Variants in IQGAP2 observed in about 807,000 individuals in gnomAD.
The protein encoded by IQGAP2 is ras GTPase-activating-like protein IQGAP2.
In IQGAP2, 173 loss-of-function variants were observed where a neutral mutation model predicts 201.3. The ratio of observed to expected loss-of-function variants is 0.86; its 90% CI spans 0.76 to 0.98. IQGAP2 has a LOEUF of 0.98. IQGAP2 is among the 50% of genes least tolerant of loss of function. The pLI is 0.00. For synonymous variants in IQGAP2, 675 were observed against 673.9 expected (o/e 1.00, Z -0.03); for missense variants, 1,687 against 1,864.8 (o/e 0.90, Z 1.76).
At chr5:76,592,676 T>C (rs927390014) in intron 8 of IQGAP2, among the ~76,000 whole-genome samples, 162 bp from the exon 9 acceptor site, 1 of 152,174 alleles carries the variant, frequency 6.6e-6, no homozygotes, top group East Asian at 1.9e-4. Context: ...GCCAGCATTC[T>C]CCCCTAGTCC....
chr5:76,428,731 C>G (rs1232272082), intron 1 of IQGAP2, among the ~76,000 whole-genome samples: 1 of 151,450 alleles, frequency 6.6e-6, no homozygotes, highest in Admixed American at 6.6e-5. Flanking sequence ...CCGTGACTAC[C>G]CTGAATCTTA....
chr5:76,444,500 C>T (rs540758237), intron 1 of IQGAP2, among the ~76,000 whole-genome samples: 15 of 152,134 alleles, frequency 9.9e-5, no homozygotes, highest in African/African-American at 3.6e-4. Flanking sequence ...GGTTTCACCA[C>T]GTTGGCCAGG....
intron 2 of IQGAP2, among the ~76,000 whole-genome samples, chr5:76,471,465 A>G (rs906366349): frequency 1.3e-5 from 2 of 151,758 alleles, no homozygotes; most frequent in Admixed American, 1.3e-4. Context: ...CATTGGCTAT[A>G]TTGGTGAGTC....
At chr5:76,508,769 A>G (rs1210617820) in intron 2 of IQGAP2, among the ~76,000 whole-genome samples, 1 of 152,010 alleles carries the variant, frequency 6.6e-6, no homozygotes, top group Non-Finnish European at 1.5e-5. Context: ...ATGGACAAAG[A>G]ACAGGAGTAG....
At chr5:76,649,013 C>T (rs1009067087) in intron 17 of IQGAP2, among the ~76,000 whole-genome samples, 1 of 152,034 alleles carries the variant, frequency 6.6e-6, no homozygotes, top group African/African-American at 2.4e-5. Flanking sequence ...TGGAAATGTT[C>T]CAAAAACACA....
At chr5:76,560,653 TTTCTGA>T (rs1744301678) in intron 2 of IQGAP2, among the ~76,000 whole-genome samples, 1 of 152,238 alleles carries the variant, frequency 6.6e-6, no homozygotes, top group Admixed American at 6.5e-5. Context: ...TCCCAAACTT[TTTCTGA>T]TTATATCCTA....
chr5:76,706,217 C>CA (rs1368575548), intron 35 of IQGAP2, among the ~76,000 whole-genome samples: 5 of 152,162 alleles, frequency 3.3e-5, no homozygotes, highest in African/African-American at 9.6e-5. Flanking sequence ...CAAAAAAGTC[C>CA]AAAAAATGAG....
At chr5:76,615,930 G>A (rs1748922857) in intron 13 of IQGAP2, 1 of 152,576 alleles carries the variant, frequency 6.6e-6, no homozygotes, top group Non-Finnish European at 1.5e-5. Flanking sequence ...ATCACAGTAT[G>A]TTGCTTTTTC....
intron 1 of IQGAP2, among the ~76,000 whole-genome samples, chr5:76,416,098 G>T (rs1751391400): frequency 6.6e-6 from 1 of 152,220 alleles, no homozygotes. Context: ...AGCCTGTGAA[G>T]AGGTGAACTA....
intron 17 of IQGAP2, 97 bp downstream of exon 17, chr5:76,641,200 A>C: frequency 1.1e-6 from 1 of 919,600 alleles, no homozygotes; most frequent in Non-Finnish European, 1.6e-6. Flanking sequence ...CATTCCTATA[A>C]ACAAATCTGA....
At chr5:76,647,264 C>T (rs1364110993) in intron 17 of IQGAP2, among the ~76,000 whole-genome samples, 1 of 152,100 alleles carries the variant, frequency 6.6e-6, no homozygotes, top group African/African-American at 2.4e-5. Flanking sequence ...CCTTGGGACC[C>T]AAGGAATGAC....
intron 2 of IQGAP2, among the ~76,000 whole-genome samples, chr5:76,549,022 A>T (rs1228516048): frequency 6.6e-6 from 1 of 152,114 alleles, no homozygotes; most frequent in Non-Finnish European, 1.5e-5. Context: ...CTGTATGGCT[A>T]AACAGTGCTG....
intron 2 of IQGAP2, among the ~76,000 whole-genome samples, chr5:76,494,568 C>T (rs1010071457): frequency 6.6e-6 from 1 of 152,160 alleles, no homozygotes; most frequent in Non-Finnish European, 1.5e-5. Flanking sequence ...ACACACAGCA[C>T]AAAATGCTAA....
In IQGAP2 at chr5:76,701,134, G is replaced by T; in HGVS notation, c.4426G>T (p.Ala1476Ser). The change falls in exon 34 of 36, where the codon GCG (alanine) becomes TCG (serine). Residue 1476 changes from alanine (A) to serine (S), a missense_variant. Ala to Ser is a moderately conservative substitution (Grantham distance 99). Transcript: ENST00000274364. ...AGGAGAACCCAAAGGGGCGAAGAGAGCGAAGCCAGTGAAGTACACTGCAGC... is the reference window on the plus strand; with the variant it reads ...AGGAGAACCCAAAGGGGCGAAGAGATCGAAGCCAGTGAAGTACACTGCAGC... Reference protein sequence around the residue: ...GKGEPKGAKRAKPVKYTAAKL... With the variant: ...GKGEPKGAKRSKPVKYTAAKL... 1 of 1,614,206 alleles carries T rather than the reference G, an allele frequency of 6.2e-7. No individual in the cohort carries two copies. The highest frequency in any genetic ancestry group is 8.5e-7 in the Non-Finnish European group (1 of 1,179,988).
At chr5:76,615,997 A>G (rs1748928677) in intron 13 of IQGAP2, 1 of 152,628 alleles carries the variant, frequency 6.6e-6, no homozygotes, top group African/African-American at 2.4e-5. Context: ...TTAAAAATTC[A>G]TTCAGCCACA....
intron 31 of IQGAP2, chr5:76,693,948 A>G (rs1182128158): frequency 6.6e-6 from 1 of 152,354 alleles, no homozygotes; most frequent in Non-Finnish European, 1.5e-5. Context: ...TTTTATTAAC[A>G]TCTTTGAAAA....
Position 76,429,860 on chromosome 5 carries a change from G to GACACACACACACAC in IQGAP2, c.46+26290_46+26303dup, listed in dbSNP as rs56031811. On this transcript the variant is annotated intron_variant, in intron 1 of 35. Transcript: ENST00000274364. ...TCCAGCTGAATGAAAAGGAGACACA[G>GACACACACACACAC]ACACACACACACACACACACACACA... Among the ~76,000 whole-genome samples, 774 of 144,618 alleles carry GACACACACACACAC rather than the reference G, an allele frequency of 5.4e-3. 12 individuals are homozygous for GACACACACACACAC. Among genetic ancestry groups the GACACACACACACAC allele is most frequent in the African/African-American group, 0.019 (736 of 38,450 alleles). 94.9% of individuals were successfully genotyped at this position (144,618 alleles called of 152,430 possible). A position where few individuals can be genotyped will look rare whatever the true frequency, so the allele number is the denominator to read the frequency against.
chr5:76,533,818 G>A (rs987485054), intron 2 of IQGAP2, among the ~76,000 whole-genome samples: 5 of 152,164 alleles, frequency 3.3e-5, no homozygotes, highest in South Asian at 2.1e-4. Flanking sequence ...GATTATAGGC[G>A]TGAGCCACCG....
rs1491285220 is a variant in IQGAP2, at chr5:76,496,763, TTC to T, written c.146+35096_146+35097del. 5.5e-4 allele frequency among the ~76,000 whole-genome samples: 62 copies of T among 113,574 alleles called. 1 individual carries two copies. The highest frequency in any genetic ancestry group is 3.4e-3 in the African/African-American group (62 of 18,116). 74.5% of individuals were successfully genotyped at this position (113,574 alleles called of 152,430 possible). On this transcript the variant is annotated intron_variant, in intron 2 of 35. Coordinates refer to ENST00000274364, the MANE Select transcript of IQGAP2 (RefSeq NM_006633.5). ...TTTCTTTCTTTCTTTCTTTCTTTCT[TTC>T]TTTCTTTCTTTCTTTCTTTCTTTCT...
Sources: allele counts gnomAD v4.1 joint callset (sites outside exome capture counted in the v4.1 genomes callset), GRCh38; gene constraint gnomAD v4.1.1; transcripts MANE v1.5; gene names NCBI Gene and HGNC (gene_info 2026-07-23, HGNC 2026-07-21).